NR3C2: variants seen among roughly 807,000 people sequenced by gnomAD.
NR3C2 encodes the protein nuclear receptor subfamily 3 group C member 2, also known as mineralocorticoid receptor.
A neutral mutation model predicts 86.4 loss-of-function variants in NR3C2; 15 were observed. The ratio of observed to expected loss-of-function variants is 0.17; its 90% CI spans 0.12 to 0.27. NR3C2 has a LOEUF of 0.27. NR3C2 is among the 10% of genes least tolerant of loss of function. The pLI is 1.00. For synonymous variants in NR3C2, 458 were observed against 450.5 expected (o/e 1.02, Z -0.21); for missense variants, 960 against 1,195.6 (o/e 0.80, Z 2.91).
intron 3 of NR3C2, among the ~76,000 whole-genome samples, chr4:148,240,957 G>A (rs781528227): frequency 6.6e-6 from 1 of 152,034 alleles, no homozygotes; most frequent in Non-Finnish European, 1.5e-5. Flanking sequence ...ATACTTCTCT[G>A]GAACTATAAA....
At position 148,436,837 on chromosome 4, in the gene NR3C2, A is replaced by G. The variant is rs753453239; in HGVS notation, c.24T>C (p.Ser8=). The G allele has an allele frequency of 2.5e-6, 4 of 1,611,046 alleles. No homozygotes were observed. The highest frequency in any genetic ancestry group is 3.4e-6 in the Non-Finnish European group (4 of 1,179,968). The change falls in exon 2 of 9, where the codon AGT becomes AGC. Residue 8 remains serine, a synonymous_variant. Coordinates refer to ENST00000358102, the MANE Select transcript of NR3C2 (RefSeq NM_000901.5). METKGYH[S]LPEGLDMERR... Reference sequence around the variant, plus strand: ...TTTCCATATCTAGACCTTCAGGGAGACTGTGGTAGCCTTTGGTCTCCATCG... The same window carrying G: ...TTTCCATATCTAGACCTTCAGGGAGGCTGTGGTAGCCTTTGGTCTCCATCG...
intron 2 of NR3C2, among the ~76,000 whole-genome samples, chr4:148,422,083 A>G (rs72658665): frequency 1.3e-5 from 2 of 151,956 alleles, no homozygotes; most frequent in Non-Finnish European, 2.9e-5. Flanking sequence ...TCCTTCCTCT[A>G]CTCTAGGAAT....
intron 2 of NR3C2, among the ~76,000 whole-genome samples, chr4:148,319,100 G>A (rs1743400664): frequency 6.6e-6 from 1 of 151,618 alleles, no homozygotes; most frequent in Non-Finnish European, 1.5e-5. Context: ...CATATGGCTA[G>A]CCAGTTTTCC....
intron 2 of NR3C2, among the ~76,000 whole-genome samples, chr4:148,333,868 G>T (rs1329882970): frequency 6.6e-6 from 1 of 152,118 alleles, no homozygotes; most frequent in Non-Finnish European, 1.5e-5. Context: ...GTCCTAGAAA[G>T]CCTGCAAAAC....
At chr4:148,405,873 G>A (rs1455654699) in intron 2 of NR3C2, among the ~76,000 whole-genome samples, 1 of 152,214 alleles carries the variant, frequency 6.6e-6, no homozygotes, top group Non-Finnish European at 1.5e-5. Flanking sequence ...ACCAGGCGTA[G>A]TGGCTCACAC....
chr4:148,441,890 G>A (rs973086346), intron 1 of NR3C2, among the ~76,000 whole-genome samples: 4 of 152,220 alleles, frequency 2.6e-5, no homozygotes, highest in Non-Finnish European at 4.4e-5. Flanking sequence ...TTGGGTAAAG[G>A]GAAGGGTGGT....
chr4:148,156,640 A>C (rs866498027), intron 4 of NR3C2, among the ~76,000 whole-genome samples: 8 of 152,124 alleles, frequency 5.3e-5, no homozygotes, highest in African/African-American at 1.9e-4. Context: ...GCAATCATTA[A>C]AAAGTCAGGA....
At chr4:148,372,386 A>C (rs61762855) in intron 2 of NR3C2, among the ~76,000 whole-genome samples, 1,658 of 152,198 alleles carry the variant, frequency 0.011, 14 homozygotes, top group Middle Eastern at 0.027. Context: ...TCTTCACATA[A>C]AAGCCCTGAT....
At chr4:148,166,749 T>C (rs927577109) in intron 4 of NR3C2, among the ~76,000 whole-genome samples, 1 of 151,718 alleles carries the variant, frequency 6.6e-6, no homozygotes, top group Non-Finnish European at 1.5e-5. Flanking sequence ...TTATAATCTG[T>C]ATTTTCCATT....
chr4:148,108,215 C>G (rs550187536), intron 8 of NR3C2, among the ~76,000 whole-genome samples: 34 of 152,096 alleles, frequency 2.2e-4, no homozygotes, highest in African/African-American at 8.2e-4. Context: ...ACAATCTTCT[C>G]ACCTCAGCCT....
At chr4:148,321,446 T>C (rs1326777737) in intron 2 of NR3C2, among the ~76,000 whole-genome samples, 1 of 151,180 alleles carries the variant, frequency 6.6e-6, no homozygotes, top group Non-Finnish European at 1.5e-5. Context: ...TGACTTTCTG[T>C]CTCTTTGATC....
At chr4:148,215,488 G>A (rs1328041437) in intron 3 of NR3C2, among the ~76,000 whole-genome samples, 1 of 152,192 alleles carries the variant, frequency 6.6e-6, no homozygotes, top group Non-Finnish European at 1.5e-5. Context: ...TAAACAGTAT[G>A]GAGAAGGTGG....
Position 148,436,530 on chromosome 4 carries a change from A to G in NR3C2, c.331T>C (p.Ser111Pro). 6.2e-7 allele frequency: 1 copy of G among 1,614,248 alleles called. No individual in the cohort carries two copies. The highest frequency in any genetic ancestry group is 8.5e-7 in the Non-Finnish European group (1 of 1,180,048). ...VAESMGLYMD[S>P]VRDADYSYEQ... ...TAGGAATAGTCAGCATCTCTTACAG[A>G]ATCCATATATAAACCCATGGACTCA... The change falls in exon 2 of 9, where the codon TCT becomes CCT. Residue 111 changes from serine (S) to proline (P), a missense_variant. Physicochemically the swap from Ser to Pro is moderately conservative, Grantham distance 74. This residue lies in a region of NR3C2 where 680 missense variants were observed against 719.0 expected (regional missense o/e 0.95). Coordinates refer to ENST00000358102, the MANE Select transcript of NR3C2 (RefSeq NM_000901.5).
At position 148,373,918 on chromosome 4, in the gene NR3C2, C is replaced by T. The variant is rs1746547963; in HGVS notation, c.1757+61186G>A. Among the ~76,000 whole-genome samples the T allele has an allele frequency of 2.6e-5, 4 of 152,148 alleles. No individual in the cohort carries two copies. The South Asian group carries it at 8.3e-4, about 32-fold the overall frequency. ...GAAGCAAGAAAATTCAGAATCAGAACATTTTGGTGAGTTATCCTAGGAATG... is the reference window on the plus strand; with the variant it reads ...GAAGCAAGAAAATTCAGAATCAGAATATTTTGGTGAGTTATCCTAGGAATG... On this transcript the variant is annotated intron_variant, in intron 2 of 8. Coordinates refer to ENST00000358102, the MANE Select transcript of NR3C2 (RefSeq NM_000901.5).
At chr4:148,238,887 C>T (rs1738876853) in intron 3 of NR3C2, among the ~76,000 whole-genome samples, 1 of 152,136 alleles carries the variant, frequency 6.6e-6, no homozygotes, top group Admixed American at 6.6e-5. Context: ...GAAGCTTCGG[C>T]CACCTCTAAA....
intron 4 of NR3C2, among the ~76,000 whole-genome samples, chr4:148,161,392 C>T (rs925819964): frequency 3.9e-5 from 6 of 151,924 alleles, no homozygotes; most frequent in Admixed American, 2.6e-4. Context: ...CTCTGTTGCC[C>T]AGGGTGGAGT....
chr4:148,134,654 T>TTTTTTTTTTTTG (rs1733207509), intron 6 of NR3C2, among the ~76,000 whole-genome samples: 1 of 129,956 alleles, frequency 7.7e-6, no homozygotes, highest in Non-Finnish European at 1.7e-5. Context: ...TTTTTTTTTT[T>TTTTTTTTTTTTG]TTTTTTTTTT....
chr4:148,219,646 C>T (rs1331498829), intron 3 of NR3C2, among the ~76,000 whole-genome samples: 2 of 152,158 alleles, frequency 1.3e-5, no homozygotes, highest in Admixed American at 6.5e-5. Context: ...AGCTACATGT[C>T]TGTGTGAGGC....
At chr4:148,155,323 G>A (rs1734319184) in intron 4 of NR3C2, among the ~76,000 whole-genome samples, 1 of 152,188 alleles carries the variant, frequency 6.6e-6, no homozygotes, top group South Asian at 2.1e-4. Flanking sequence ...AAGTCAAATT[G>A]TCCCTGTTTG....
Sources: gnomAD v4.1 joint callset for allele counts (sites outside exome capture counted in the v4.1 genomes callset) on GRCh38, gnomAD v4.1.1 for gene constraint, gnomAD v4.1.1 regional missense constraint, MANE v1.5 for transcripts, NCBI Gene and HGNC (gene_info 2026-07-23, HGNC 2026-07-21) for gene names.